PSMD13: variants seen among roughly 807,000 people sequenced by gnomAD.
PSMD13 encodes the protein 26S proteasome non-ATPase regulatory subunit 13.
In PSMD13, 8 loss-of-function variants were observed where a neutral mutation model predicts 57.4. The observed-to-expected ratio is 0.14, with a 90% CI of 0.08 to 0.25. The LOEUF is 0.25. Among genes scored for constraint, PSMD13 ranks in the 10% least tolerant of loss-of-function variants. The pLI is 1.00. For missense variants in PSMD13, 400 were observed against 461.5 expected, an observed-to-expected ratio of 0.87 and a Z score of 1.22; for synonymous variants, 193 against 168.2, an observed-to-expected ratio of 1.15 and a Z score of -1.14.
At chr11:242,694 G>A (rs978217991) in intron 2 of PSMD13, among the ~76,000 whole-genome samples, 3 of 152,222 alleles carry the variant, frequency 2.0e-5, no homozygotes, top group South Asian at 2.1e-4. Flanking sequence ...TGATGCAAAC[G>A]AAAAGCTTCT....
At chr11:246,894 C>T (rs1182461889) in intron 6 of PSMD13, among the ~76,000 whole-genome samples, 1 of 152,182 alleles carries the variant, frequency 6.6e-6, no homozygotes, top group African/African-American at 2.4e-5. Flanking sequence ...TGTCTCCTGA[C>T]TCATTTGTAA....
chr11:240,732 T>G (rs1590246195), intron 2 of PSMD13, among the ~76,000 whole-genome samples: 2 of 152,242 alleles, frequency 1.3e-5, no homozygotes, highest in East Asian at 3.8e-4. Context: ...TAAGGTAATT[T>G]TTTAGATTAA....
chr11:249,857 TCA>T (rs1363693157), intron 9 of PSMD13, among the ~76,000 whole-genome samples: 2 of 152,188 alleles, frequency 1.3e-5, no homozygotes, highest in East Asian at 3.8e-4. Flanking sequence ...TTCAATTTTC[TCA>T]GTTTAAAATA....
Position 251,133 on chromosome 11 carries a change from G to GC in PSMD13, c.837+272dup, listed in dbSNP as rs1419985703. 4 of 495,930 alleles carry GC rather than the reference G, an allele frequency of 8.1e-6. No individual in the cohort carries two copies. Among genetic ancestry groups the GC allele is most frequent in the African/African-American group, 7.7e-5 (4 of 52,182 alleles). The allele number at this position is 495,930 out of a possible 1,614,324, so 30.7% of individuals were successfully genotyped here. A position where few individuals can be genotyped will look rare whatever the true frequency, so the allele number is the denominator to read the frequency against. ...CCATCTGAACTGAGATGAAGTAGCT[G>GC]CCCCTCTCCCCGTGATGCAGTTGTT... On this transcript the variant is annotated intron_variant, in intron 10 of 12. Coordinates refer to ENST00000532097, the MANE Select transcript of PSMD13 (RefSeq NM_002817.4). The surrounding 1 kb of genome is among the most constrained non-coding windows in gnomAD (Gnocchi z 4.6).
chr11:250,833 C>G lies in PSMD13; in HGVS notation c.805C>G (p.Leu269Val). The change falls in exon 10 of 13, where the codon CTG becomes GTG. Residue 269 changes from leucine to valine, a missense_variant. Leu to Val is a conservative substitution (Grantham distance 32). Coordinates refer to ENST00000532097, the MANE Select transcript of PSMD13 (RefSeq NM_002817.4). ...TTTAGCAGCTAATGAAGCCCAGCTTCTGAGGAAAATTCAGTTGTTGTGCCT... is the reference window on the plus strand; with the variant it reads ...TTTAGCAGCTAATGAAGCCCAGCTTGTGAGGAAAATTCAGTTGTTGTGCCT... ...PDLAANEAQL[L>V]RKIQLLCLME... 1 of 1,614,022 alleles carries G rather than the reference C, an allele frequency of 6.2e-7. No individual in the cohort carries two copies. The highest frequency in any genetic ancestry group is 1.1e-5 in the South Asian group (1 of 91,086).
At chr11:243,040 C>T (rs909298523) in intron 2 of PSMD13, 1 of 330,816 alleles carries the variant, frequency 3.0e-6, no homozygotes, top group African/African-American at 2.2e-5. Flanking sequence ...ATGATCCACC[C>T]ACCTCTGCCT....
rs1457864304 is a variant in PSMD13 at position 236,978 on chromosome 11, G to A, written c.-72G>A. 4.5e-6 allele frequency: 6 copies of A among 1,321,758 alleles called. No homozygotes were observed. In the African/African-American group the frequency reaches 5.8e-5, roughly 13 times the overall value. The allele number at this position is 1,321,758 out of a possible 1,614,324, so 81.9% of individuals were successfully genotyped here. On this transcript the variant is annotated 5_prime_UTR_variant, in exon 1 of 13. Coordinates refer to ENST00000532097, the MANE Select transcript of PSMD13 (RefSeq NM_002817.4). ...GCCGCTCGGCGCCGGAAGTGAGTGA[G>A]CATTTCCGGCAGCCATCCCCGCGGT...
At chr11:240,862 A>G (rs1453781538) in intron 2 of PSMD13, among the ~76,000 whole-genome samples, 1 of 152,114 alleles carries the variant, frequency 6.6e-6, no homozygotes, top group African/African-American at 2.4e-5. Flanking sequence ...ACGGAGTTTC[A>G]TTCTTATCAC....
chr11:238,539 C>T (rs552820653), intron 1 of PSMD13, among the ~76,000 whole-genome samples: 1 of 152,292 alleles, frequency 6.6e-6, no homozygotes, highest in South Asian at 2.1e-4. Flanking sequence ...GGCGCAGTGG[C>T]TCATGCCTGT....
chr11:244,364 G>C, intron 4 of PSMD13, 62 bp from the exon 5 acceptor site: 3 of 1,590,508 alleles, frequency 1.9e-6, no homozygotes, highest in Admixed American at 3.4e-5. Context: ...CCTACCTAAG[G>C]GTGTCTTGGT....
intron 6 of PSMD13, among the ~76,000 whole-genome samples, chr11:246,042 A>G (rs796927144): frequency 4.6e-5 from 7 of 152,252 alleles, no homozygotes; most frequent in African/African-American, 1.7e-4. Flanking sequence ...TCTCATGCCC[A>G]TGCATTTCCT....
intron 7 of PSMD13, 29 bp downstream of exon 7, chr11:247,477 A>G: frequency 6.2e-7 from 1 of 1,602,180 alleles, no homozygotes; most frequent in Non-Finnish European, 8.5e-7. Context: ...TCCATGTCAC[A>G]CAGGAGCATA....
chr11:237,358 C>T (rs939073667), intron 1 of PSMD13, among the ~76,000 whole-genome samples: 16 of 152,204 alleles, frequency 1.1e-4, no homozygotes, highest in Middle Eastern at 3.2e-3. Context: ...CCACGAGGGC[C>T]AAGAGCTGTA....
intron 8 of PSMD13, 32 bp downstream of exon 8, chr11:248,887 G>T: frequency 1.2e-6 from 2 of 1,614,072 alleles, no homozygotes; most frequent in Non-Finnish European, 1.7e-6. Flanking sequence ...CTTCCTTAAC[G>T]AGAGAGACTA....
At chr11:242,066 C>T (rs1051497999) in intron 2 of PSMD13, among the ~76,000 whole-genome samples, 1 of 152,072 alleles carries the variant, frequency 6.6e-6, no homozygotes, top group African/African-American at 2.4e-5. Flanking sequence ...TTCCTTGAAA[C>T]TCAGTATTGC....
At chr11:244,973 C>A in intron 6 of PSMD13, among the ~76,000 whole-genome samples, 1 of 147,590 alleles carries the variant, frequency 6.8e-6, no homozygotes, top group Non-Finnish European at 1.5e-5. Flanking sequence ...CGGAGTCTCG[C>A]TCTGTTTCCC....
chr11:251,533 A>T lies in PSMD13; in HGVS notation c.838-13A>T. ...GAAAAATAGTTTAAAATAGTTAATA[A>T]AATTTTTTCCAGATGACTTTCACAC... On this transcript the variant is annotated splice_polypyrimidine_tract_variant and intron_variant, in intron 10 of 12. Coordinates refer to ENST00000532097, the MANE Select transcript of PSMD13 (RefSeq NM_002817.4). This position sits in a 1 kb window ranked among gnomAD's most constrained non-coding sequence, Gnocchi z 4.6. 1.2e-6 allele frequency: 2 copies of T among 1,602,088 alleles called. No individual in the cohort carries two copies. The highest frequency in any genetic ancestry group is 1.7e-6 in the Non-Finnish European group (2 of 1,171,016).
intron 2 of PSMD13, among the ~76,000 whole-genome samples, chr11:240,074 A>G (rs1859480293): frequency 8.2e-6 from 1 of 121,402 alleles, no homozygotes. Flanking sequence ...CTTCTGGATT[A>G]TGTGGGAAAA....
intron 2 of PSMD13, among the ~76,000 whole-genome samples, chr11:242,588 C>T (rs1343509945): frequency 2.6e-5 from 4 of 151,938 alleles, no homozygotes; most frequent in Non-Finnish European, 5.9e-5. Context: ...CTTTTATACT[C>T]CATAAAATTG....
Sources: gnomAD v4.1 joint callset for allele counts (sites outside exome capture counted in the v4.1 genomes callset) on GRCh38, gnomAD v4.1.1 for gene constraint, Gnocchi (gnomAD v3.1) non-coding constraint, MANE v1.5 for transcripts, NCBI Gene and HGNC (gene_info 2026-07-23, HGNC 2026-07-21) for gene names.